CRPPA: variants seen among roughly 807,000 people sequenced by gnomAD.
The protein encoded by CRPPA is D-ribitol-5-phosphate cytidylyltransferase.
A neutral mutation model predicts 52.0 loss-of-function variants in CRPPA; 43 were observed. The ratio of observed to expected loss-of-function variants is 0.83; its 90% CI spans 0.65 to 1.07. CRPPA has a LOEUF of 1.07. Among genes scored for constraint, CRPPA ranks in the 50% least tolerant of loss-of-function variants. The probability of loss-of-function intolerance (pLI) is 0.00; values close to 1 mark genes in which losing one functional copy is unlikely to be tolerated. For synonymous variants in CRPPA, 250 were observed against 203.5 expected, an observed-to-expected ratio of 1.23 and a Z score of -1.94; for missense variants, 629 against 551.7, an observed-to-expected ratio of 1.14 and a Z score of -1.40.
chr7:16,329,963 A>G (rs1785509899), intron 3 of CRPPA, among the ~76,000 whole-genome samples: 1 of 152,224 alleles, frequency 6.6e-6, no homozygotes, highest in South Asian at 2.1e-4. Context: ...TCTTTCCTAA[A>G]TTTATCTCAA....
chr7:16,228,610 G>A (rs996086515), intron 8 of CRPPA, among the ~76,000 whole-genome samples: 4 of 151,886 alleles, frequency 2.6e-5, no homozygotes, highest in African/African-American at 9.7e-5. Flanking sequence ...ATTCTCCAAA[G>A]TCCTCCAGTT....
In CRPPA at chr7:16,089,568, T is replaced by G; in HGVS notation, c.*2127A>C. 1 of 236,368 alleles carries G rather than the reference T, an allele frequency of 4.2e-6. No individual in the cohort carries two copies. The highest frequency in any genetic ancestry group is 4.5e-5 in the South Asian group (1 of 22,178). 14.6% of individuals were successfully genotyped at this position (236,368 alleles called of 1,614,324 possible). Reference sequence around the variant, plus strand: ...ATGTATATACATGTAAGTATATACATATATATGGGTATACATGCATGTATA... The same window carrying G: ...ATGTATATACATGTAAGTATATACAGATATATGGGTATACATGCATGTATA... On this transcript the variant is annotated 3_prime_UTR_variant, in exon 10 of 10. Transcript: ENST00000407010.
chr7:16,237,950 A>G (rs964314125), intron 8 of CRPPA, among the ~76,000 whole-genome samples: 8 of 152,136 alleles, frequency 5.3e-5, no homozygotes, highest in Admixed American at 3.9e-4. Context: ...CATCCTTAAG[A>G]TGACTTCTCC....
At chr7:16,215,697 A>G (rs143371731) in intron 9 of CRPPA, among the ~76,000 whole-genome samples, 2 of 152,358 alleles carry the variant, frequency 1.3e-5, no homozygotes, top group African/African-American at 4.8e-5. Context: ...CCACGTAAAT[A>G]TAAGAATTTT....
At chr7:16,120,230 G>A (rs1321095282) in intron 9 of CRPPA, among the ~76,000 whole-genome samples, 3 of 152,136 alleles carry the variant, frequency 2.0e-5, no homozygotes, top group Admixed American at 6.5e-5. Context: ...TGTATCATCC[G>A]GTTTTATCAG....
chr7:16,420,597 C>T (rs1482399200), intron 1 of CRPPA, among the ~76,000 whole-genome samples: 1 of 152,140 alleles, frequency 6.6e-6, no homozygotes, highest in Non-Finnish European at 1.5e-5. Context: ...TAGTAATTAG[C>T]GCAGCCTGTC....
intron 9 of CRPPA, among the ~76,000 whole-genome samples, chr7:16,136,533 C>T (rs1782765449): frequency 6.6e-6 from 1 of 152,196 alleles, no homozygotes; most frequent in African/African-American, 2.4e-5. Flanking sequence ...GACCCAATTA[C>T]AAACTAGACT....
At chr7:16,154,825 T>A (rs1035002869) in intron 9 of CRPPA, among the ~76,000 whole-genome samples, 1 of 151,100 alleles carries the variant, frequency 6.6e-6, no homozygotes, top group East Asian at 1.9e-4. Flanking sequence ...TTTTTTTTTT[T>A]AAGACAGAAT....
intron 3 of CRPPA, among the ~76,000 whole-genome samples, chr7:16,349,791 T>C (rs141826082): frequency 1.3e-4 from 20 of 152,126 alleles, no homozygotes; most frequent in African/African-American, 3.9e-4. Context: ...GAAGAACGTA[T>C]GCATTATCCA....
chr7:16,292,809 G>A (rs1372850519), intron 5 of CRPPA, among the ~76,000 whole-genome samples: 3 of 151,942 alleles, frequency 2.0e-5, no homozygotes, highest in Admixed American at 1.3e-4. Context: ...AAATCTCAAA[G>A]TTCATAAAAG....
intron 8 of CRPPA, chr7:16,216,464 C>A (rs1380741336): frequency 6.4e-6 from 2 of 312,594 alleles, no homozygotes; most frequent in African/African-American, 2.2e-5. Context: ...GGAACAGCTC[C>A]GGTCTACAGC....
chr7:16,263,489 C>T (rs1306490606), intron 6 of CRPPA, among the ~76,000 whole-genome samples: 4 of 152,162 alleles, frequency 2.6e-5, no homozygotes, highest in African/African-American at 4.8e-5. Context: ...CAGTGGCTCA[C>T]GCCTGTCATC....
chr7:16,338,127 T>A (rs576451618), intron 3 of CRPPA, among the ~76,000 whole-genome samples: 4 of 152,020 alleles, frequency 2.6e-5, no homozygotes, highest in Non-Finnish European at 5.9e-5. Flanking sequence ...GGAATGACAG[T>A]AAGAGGAGCA....
intron 3 of CRPPA, among the ~76,000 whole-genome samples, chr7:16,311,943 T>C (rs2189734): frequency 0.66 from 100,286 of 151,896 alleles, 35,166 homozygotes; most frequent in Non-Finnish European, 0.79. Context: ...TATGTGATTC[T>C]GTTTCTGGGG....
At chr7:16,408,112 AAAAAAAAAAT>A (rs975059233) in intron 1 of CRPPA, among the ~76,000 whole-genome samples, 4 of 150,500 alleles carry the variant, frequency 2.7e-5, no homozygotes, top group Non-Finnish European at 5.9e-5. Context: ...TGTCTTTAAA[AAAAAAAAAAT>A]AAAAAAATAA....
chr7:16,168,524 A>T (rs1441643522), intron 9 of CRPPA, among the ~76,000 whole-genome samples: 1 of 137,238 alleles, frequency 7.3e-6, no homozygotes, highest in African/African-American at 2.7e-5. Context: ...TAAGACACTG[A>T]GTGAAGTAAA....
intron 9 of CRPPA, among the ~76,000 whole-genome samples, chr7:16,123,375 A>C (rs1248350133): frequency 6.6e-6 from 1 of 152,146 alleles, no homozygotes; most frequent in Non-Finnish European, 1.5e-5. Flanking sequence ...AAGCCATAAG[A>C]GACTCAAATT....
chr7:16,259,817 G>A (rs1160953526), intron 6 of CRPPA, among the ~76,000 whole-genome samples: 2 of 151,862 alleles, frequency 1.3e-5, no homozygotes, highest in African/African-American at 4.8e-5. Context: ...ATAATACAGT[G>A]CTGTTCCTTG....
intron 9 of CRPPA, among the ~76,000 whole-genome samples, chr7:16,208,591 G>A (rs973209898): frequency 1.3e-5 from 2 of 152,166 alleles, no homozygotes; most frequent in African/African-American, 4.8e-5. Flanking sequence ...GGCAGGCGGG[G>A]TGAACATTAG....
Sources: gnomAD v4.1 joint callset for allele counts (sites outside exome capture counted in the v4.1 genomes callset) on GRCh38, gnomAD v4.1.1 for gene constraint, MANE v1.5 for transcripts, NCBI Gene and HGNC (gene_info 2026-07-23, HGNC 2026-07-21) for gene names.